Variants in WWOX observed in about 807,000 individuals in gnomAD.
The protein encoded by WWOX is WW domain containing oxidoreductase.
In WWOX, 69 loss-of-function variants were observed where a neutral mutation model predicts 46.2. That is an observed-to-expected ratio of 1.49 (90% CI 1.23 to 1.82). The LOEUF is 1.82. WWOX is among the 40% of genes most tolerant of loss of function. The probability of loss-of-function intolerance (pLI) is 0.00; values close to 1 mark genes in which losing one functional copy is unlikely to be tolerated. For missense variants in WWOX, 919 were observed against 542.6 expected (o/e 1.69, Z -6.89); for synonymous variants, 359 against 202.6 (o/e 1.77, Z -6.56).
intron 8 of WWOX, among the ~76,000 whole-genome samples, chr16:79,002,157 T>C (rs2047105864): frequency 6.6e-6 from 1 of 151,696 alleles, no homozygotes; most frequent in South Asian, 2.1e-4. Context: ...ATCGACGTGC[T>C]GTACTCCTAA....
At chr16:78,277,467 A>C (rs2079599309) in intron 5 of WWOX, among the ~76,000 whole-genome samples, 1 of 152,110 alleles carries the variant, frequency 6.6e-6, no homozygotes, top group Non-Finnish European at 1.5e-5. Flanking sequence ...TTTGGAGCTC[A>C]TACCGACATC....
chr16:78,152,824 C>G (rs753390635), intron 4 of WWOX, among the ~76,000 whole-genome samples: 2 of 152,182 alleles, frequency 1.3e-5, no homozygotes, highest in African/African-American at 2.4e-5. Context: ...TTGTACTGCC[C>G]AAAGCATGCA....
chr16:78,717,896 C>A (rs1313606150), intron 8 of WWOX, among the ~76,000 whole-genome samples: 2 of 152,146 alleles, frequency 1.3e-5, no homozygotes, highest in African/African-American at 4.8e-5. Flanking sequence ...GGTTTGAAAC[C>A]TATTCACGAC....
chr16:78,589,412 G>A (rs1484050046), intron 8 of WWOX, among the ~76,000 whole-genome samples: 2 of 152,300 alleles, frequency 1.3e-5, no homozygotes, highest in East Asian at 3.9e-4. Flanking sequence ...ATCCGCAGAG[G>A]TTGTCTTGAA....
chr16:78,582,534 G>A (rs1279542486), intron 8 of WWOX, among the ~76,000 whole-genome samples: 1 of 152,182 alleles, frequency 6.6e-6, no homozygotes, highest in African/African-American at 2.4e-5. Flanking sequence ...ATTTTGCACA[G>A]AATTAAGACG....
At chr16:78,744,225 C>T (rs958385482) in intron 8 of WWOX, among the ~76,000 whole-genome samples, 2 of 151,974 alleles carry the variant, frequency 1.3e-5, no homozygotes, top group African/African-American at 4.8e-5. Context: ...TGTGAAAAGA[C>T]AGGGCTTAAG....
chr16:78,793,745 C>A (rs1295464492), intron 8 of WWOX, among the ~76,000 whole-genome samples: 1 of 151,756 alleles, frequency 6.6e-6, no homozygotes, highest in East Asian at 1.9e-4. Flanking sequence ...ATAAACATTG[C>A]CTAGAAGGGT....
At chr16:79,055,866 C>G (rs192139671) in intron 8 of WWOX, among the ~76,000 whole-genome samples, 20 of 152,270 alleles carry the variant, frequency 1.3e-4, no homozygotes, top group Admixed American at 6.5e-4. Context: ...AAGCTTTGCT[C>G]TTTATCTTCT....
At chr16:79,018,749 A>G (rs142833991) in intron 8 of WWOX, among the ~76,000 whole-genome samples, 33 of 152,236 alleles carry the variant, frequency 2.2e-4, no homozygotes, top group Middle Eastern at 3.4e-3. Context: ...GGTCTTTCCT[A>G]TTTTCGGCAA....
intron 8 of WWOX, among the ~76,000 whole-genome samples, chr16:78,603,260 C>T (rs1219790074): frequency 2.0e-5 from 3 of 152,184 alleles, no homozygotes; most frequent in African/African-American, 4.8e-5. Flanking sequence ...TAGTTTAAGT[C>T]ATCAGGTGGT....
chr16:78,432,893 A>G, intron 8 of WWOX, 141 bp downstream of exon 8: 1 of 1,335,454 alleles, frequency 7.5e-7, no homozygotes, highest in Non-Finnish European at 1.1e-6. Context: ...AGGGCTCTTG[A>G]ACACATTTTC....
At chr16:78,528,246 T>G (rs910256269) in intron 8 of WWOX, among the ~76,000 whole-genome samples, 1 of 145,542 alleles carries the variant, frequency 6.9e-6, no homozygotes, top group African/African-American at 2.6e-5. Context: ...GGTCTGCTGA[T>G]CTCGTAATCC....
intron 8 of WWOX, among the ~76,000 whole-genome samples, chr16:78,805,314 G>A (rs928039776): frequency 1.9e-4 from 29 of 152,210 alleles, no homozygotes; most frequent in African/African-American, 6.3e-4. Context: ...GTGCAGTGGC[G>A]CCATCTCAGG....
intron 8 of WWOX, among the ~76,000 whole-genome samples, chr16:79,210,606 G>C (rs564911903): frequency 2.4e-4 from 36 of 152,152 alleles, no homozygotes; most frequent in Non-Finnish European, 4.7e-4. Flanking sequence ...GATGCAGCTA[G>C]GGCTCTGAAA....
intron 8 of WWOX, among the ~76,000 whole-genome samples, chr16:78,818,859 T>C (rs1459371382): frequency 6.6e-6 from 1 of 152,218 alleles, no homozygotes; most frequent in Non-Finnish European, 1.5e-5. Flanking sequence ...AGAAATTCGT[T>C]AGCACTGAGA....
At chr16:78,482,438 G>C (rs1001289904) in intron 8 of WWOX, among the ~76,000 whole-genome samples, 1 of 152,096 alleles carries the variant, frequency 6.6e-6, no homozygotes, top group South Asian at 2.1e-4. Flanking sequence ...AGCCATGCTG[G>C]CCTCGAACTC....
intron 8 of WWOX, among the ~76,000 whole-genome samples, chr16:79,184,026 C>G (rs886626443): frequency 6.6e-6 from 1 of 152,194 alleles, no homozygotes; most frequent in South Asian, 2.1e-4. Flanking sequence ...TTATAACTCT[C>G]CTTTATTAGT....
intron 8 of WWOX, among the ~76,000 whole-genome samples, chr16:78,578,290 T>A (rs1317688680): frequency 2.5e-3 from 128 of 50,542 alleles, no homozygotes; most frequent in South Asian, 3.9e-3. Flanking sequence ...ATATATTTTT[T>A]TTTTTTTTTT....
chr16:78,826,926 G>A (rs1014633585), intron 8 of WWOX, among the ~76,000 whole-genome samples: 1 of 152,054 alleles, frequency 6.6e-6, no homozygotes, highest in Non-Finnish European at 1.5e-5. Flanking sequence ...ACTACATGCC[G>A]GACACCAAGC....
Sources: allele counts gnomAD v4.1 joint callset (sites outside exome capture counted in the v4.1 genomes callset), GRCh38; gene constraint gnomAD v4.1.1; transcripts MANE v1.5; gene names NCBI Gene and HGNC (gene_info 2026-07-23, HGNC 2026-07-21).